Variants in SNX9 observed in about 807,000 individuals in gnomAD.
SNX9 encodes the protein sorting nexin 9.
Under a neutral mutation model 89.4 loss-of-function variants are expected in SNX9, and 44 were observed. That is an observed-to-expected ratio of 0.49 (90% CI 0.39 to 0.63). The LOEUF (loss-of-function observed/expected upper bound fraction) is 0.63, where lower values mean the gene tolerates loss of function less well. Among genes scored for constraint, SNX9 ranks in the 30% least tolerant of loss-of-function variants. SNX9 has a pLI of 0.00. For missense variants in SNX9, 578 were observed against 736.1 expected, an observed-to-expected ratio of 0.79 and a Z score of 2.49; for synonymous variants, 236 against 247.8, an observed-to-expected ratio of 0.95 and a Z score of 0.45.
At chr6:157,910,047 C>G in intron 9 of SNX9, 22 bp downstream of exon 9, 1 of 1,556,640 alleles carries the variant, frequency 6.4e-7, no homozygotes, top group Non-Finnish European at 8.9e-7. Context: ...TAATGCTAAA[C>G]CCAGGATGAC....
At chr6:157,828,714 ATCCT>A (rs1051390075) in intron 1 of SNX9, among the ~76,000 whole-genome samples, 1 of 151,998 alleles carries the variant, frequency 6.6e-6, no homozygotes, top group Non-Finnish European at 1.5e-5. Context: ...AACTGAGGTG[ATCCT>A]TCCTCCTCAG....
At chr6:157,898,324 TAA>T (rs553406260) in intron 5 of SNX9, among the ~76,000 whole-genome samples, 231 of 152,334 alleles carry the variant, frequency 1.5e-3, no homozygotes, top group African/African-American at 5.3e-3. Context: ...GTTGGTAAAG[TAA>T]AAGCAGAATG....
chr6:157,916,184 G>A (rs1218199224), intron 9 of SNX9, among the ~76,000 whole-genome samples: 1 of 151,890 alleles, frequency 6.6e-6, no homozygotes, highest in Non-Finnish European at 1.5e-5. Context: ...ACAGGCACCC[G>A]CCACCACGCC....
intron 5 of SNX9, among the ~76,000 whole-genome samples, chr6:157,900,026 A>C (rs1236398645): frequency 6.6e-6 from 1 of 152,114 alleles, no homozygotes; most frequent in East Asian, 1.9e-4. Context: ...CATGCTGTAC[A>C]TGAGATCTCT....
At chr6:157,927,640 C>T (rs1173288418) in intron 11 of SNX9, among the ~76,000 whole-genome samples, 1 of 150,710 alleles carries the variant, frequency 6.6e-6, no homozygotes, top group Non-Finnish European at 1.5e-5. Context: ...TTTTTAAATG[C>T]AGGGTCAGTT....
In SNX9 at chr6:157,823,855, C is replaced by G. The variant is rs988359098; in HGVS notation, c.12+409C>G. Among the ~76,000 whole-genome samples, 2 of 152,120 alleles carry G rather than the reference C, an allele frequency of 1.3e-5. No individual in the cohort carries two copies. The highest frequency in any genetic ancestry group is 4.1e-4 in the South Asian group (2 of 4,828). ...GTCCCCGCCGCCCCCACGTCCCCTC[C>G]CGCTGCCGCCTGGGGGACCCTCGCC... On this transcript the variant is annotated intron_variant, in intron 1 of 17. Coordinates refer to ENST00000392185, the MANE Select transcript of SNX9 (RefSeq NM_016224.5). The surrounding 1 kb of genome is among the most constrained non-coding windows in gnomAD (Gnocchi z 4.6).
chr6:157,869,894 CAT>C (rs1782356118), intron 2 of SNX9, among the ~76,000 whole-genome samples: 2 of 152,078 alleles, frequency 1.3e-5, no homozygotes, highest in South Asian at 2.1e-4. Context: ...CATGCACACA[CAT>C]GCGCACACAC....
intron 10 of SNX9, among the ~76,000 whole-genome samples, chr6:157,923,295 A>C (rs1783620268): frequency 6.6e-6 from 1 of 152,208 alleles, no homozygotes; most frequent in Non-Finnish European, 1.5e-5. Context: ...GGTAAGTAGC[A>C]GCTCGTGTAA....
At chr6:157,850,902 G>A (rs12333320) in intron 1 of SNX9, among the ~76,000 whole-genome samples, 15,777 of 152,172 alleles carry the variant, frequency 0.1, 948 homozygotes, top group African/African-American at 0.15. Flanking sequence ...CATGCAGTTA[G>A]GATACCATTC....
At chr6:157,850,694 G>T (rs1466862541) in intron 1 of SNX9, among the ~76,000 whole-genome samples, 1 of 152,128 alleles carries the variant, frequency 6.6e-6, no homozygotes, top group Non-Finnish European at 1.5e-5. Context: ...TCATTGTCAA[G>T]CTCCATACAT....
intron 4 of SNX9, among the ~76,000 whole-genome samples, chr6:157,880,891 G>T (rs1421068728): frequency 6.6e-6 from 1 of 152,158 alleles, no homozygotes; most frequent in African/African-American, 2.4e-5. Flanking sequence ...AAAACCTCAT[G>T]GGATTTTTGG....
At chr6:157,918,474 T>G (rs1783518898) in intron 9 of SNX9, among the ~76,000 whole-genome samples, 1 of 152,134 alleles carries the variant, frequency 6.6e-6, no homozygotes. Context: ...TCCGTTTACT[T>G]TCAGTATATG....
chr6:157,882,433 G>A (rs201267154), intron 4 of SNX9, among the ~76,000 whole-genome samples: 1 of 152,302 alleles, frequency 6.6e-6, no homozygotes, highest in South Asian at 2.1e-4. Context: ...TTGGATCGAG[G>A]AGTAATTTTG....
At position 157,938,850 on chromosome 6, in the gene SNX9, A is replaced by C. The variant is rs573437694; in HGVS notation, c.1648+103A>C. ...TCCAGATGTGAGCAGCAGTTAAGTA[A>C]GTGAGACCTTTTAAGCCCCTCGTTT... On this transcript the variant is annotated intron_variant, in intron 16 of 17. Transcript: ENST00000392185. The C allele has an allele frequency of 7.4e-4, 560 of 755,740 alleles. 11 individuals are homozygous for C. In the South Asian group the frequency reaches 0.01, roughly 14 times the overall value. 46.8% of individuals were successfully genotyped at this position (755,740 alleles called of 1,614,324 possible).
chr6:157,890,944 T>C (rs1223113071), intron 4 of SNX9, among the ~76,000 whole-genome samples: 2 of 152,134 alleles, frequency 1.3e-5, no homozygotes, highest in Non-Finnish European at 2.9e-5. Flanking sequence ...TGTGCCTGTC[T>C]GTATCATCCA....
At chr6:157,847,675 AG>A (rs1781831232) in intron 1 of SNX9, among the ~76,000 whole-genome samples, 1 of 152,124 alleles carries the variant, frequency 6.6e-6, no homozygotes, top group Non-Finnish European at 1.5e-5. Flanking sequence ...GGGCCCAGGA[AG>A]GAGGGAGGAA....
At chr6:157,850,029 A>G (rs920633073) in intron 1 of SNX9, among the ~76,000 whole-genome samples, 4 of 152,216 alleles carry the variant, frequency 2.6e-5, no homozygotes, top group Non-Finnish European at 5.9e-5. Flanking sequence ...AGACATTTAC[A>G]GTGTGGCCTG....
At chr6:157,900,202 A>G (rs1034378660) in intron 5 of SNX9, among the ~76,000 whole-genome samples, 7 of 151,434 alleles carry the variant, frequency 4.6e-5, no homozygotes, top group Non-Finnish European at 2.9e-5. Context: ...TCCATGTGGT[A>G]TTTTTCTTTG....
Position 157,867,558 on chromosome 6 carries a change from G to A in SNX9, c.24G>A (p.Met8Ile), listed in dbSNP as rs771427109. The A allele has an allele frequency of 1.9e-6, 3 of 1,612,062 alleles. No individual in the cohort carries two copies. The highest frequency in any genetic ancestry group is 1.3e-5 in the African/African-American group (1 of 74,886). The change falls in exon 2 of 18, where the codon ATG becomes ATA. Residue 8 changes from methionine (M) to isoleucine (I), a missense_variant. Met to Ile is a conservative substitution (Grantham distance 10). Around this residue, in one of 2 missense-constraint regions of SNX9, gnomAD observed 230 missense variants for 244.7 expected, o/e 0.94. Coordinates refer to ENST00000392185, the MANE Select transcript of SNX9 (RefSeq NM_016224.5). Reference sequence around the variant, plus strand: ...TCCACTCCTGATAGGCTCGGGTTATGTATGATTTTGCTGCTGAACCTGGAA... The same window carrying A: ...TCCACTCCTGATAGGCTCGGGTTATATATGATTTTGCTGCTGAACCTGGAA... MATKARV[M>I]YDFAAEPGNN...
Sources: gnomAD v4.1 joint callset for allele counts (sites outside exome capture counted in the v4.1 genomes callset) on GRCh38, gnomAD v4.1.1 for gene constraint, gnomAD v4.1.1 regional missense constraint, Gnocchi (gnomAD v3.1) non-coding constraint, MANE v1.5 for transcripts, NCBI Gene and HGNC (gene_info 2026-07-23, HGNC 2026-07-21) for gene names.